The following WASF1 variants were observed in gnomAD, a reference collection of about 807,000 sequenced individuals.
WASF1 encodes the protein actin-binding protein WASF1.
In WASF1, 7 loss-of-function variants were observed where a neutral mutation model predicts 50.5. That is an observed-to-expected ratio of 0.14 (90% CI 0.08 to 0.26). WASF1 has a LOEUF of 0.26. Ranked by LOEUF, WASF1 falls within the 10% of genes least tolerant of loss-of-function variation. The probability of loss-of-function intolerance (pLI) is 1.00; values close to 1 mark genes in which losing one functional copy is unlikely to be tolerated. For synonymous variants in WASF1, 205 were observed against 244.0 expected (o/e 0.84, Z 1.49); for missense variants, 470 against 694.7 (o/e 0.68, Z 3.64).
At chr6:110,152,976 T>C (rs991339992) in intron 3 of WASF1, among the ~76,000 whole-genome samples, 1 of 152,186 alleles carries the variant, frequency 6.6e-6, no homozygotes, top group African/African-American at 2.4e-5. Flanking sequence ...TCTATATAAA[T>C]GGATTCACAG....
At chr6:110,103,699 T>C in intron 8 of WASF1, 142 bp from the exon 9 acceptor site, 2 of 752,628 alleles carry the variant, frequency 2.7e-6, no homozygotes, top group Non-Finnish European at 4.0e-6. Context: ...AAATGTATTA[T>C]ATTAATCCTG....
chr6:110,128,949 G>C (rs1774536885), intron 3 of WASF1, among the ~76,000 whole-genome samples: 1 of 152,124 alleles, frequency 6.6e-6, no homozygotes, highest in African/African-American at 2.4e-5. Flanking sequence ...GATGATCTGA[G>C]GTGGTACAGT....
intron 4 of WASF1, among the ~76,000 whole-genome samples, chr6:110,125,108 T>G (rs1328458989): frequency 6.6e-6 from 1 of 152,204 alleles, no homozygotes; most frequent in Non-Finnish European, 1.5e-5. Flanking sequence ...ATTCAGATTT[T>G]ATTATCTAAT....
chr6:110,108,799 A>G, intron 5 of WASF1, 118 bp from the exon 6 acceptor site: 1 of 864,566 alleles, frequency 1.2e-6, no homozygotes, highest in Non-Finnish European at 1.7e-6. Context: ...TTGTGACCTT[A>G]GTGGCTTATG....
At chr6:110,118,347 CAAAAAAAAAAAAA>C (rs56948481) in intron 4 of WASF1, among the ~76,000 whole-genome samples, 119 of 7,498 alleles carry the variant, frequency 0.016, no homozygotes, top group African/African-American at 0.037. Flanking sequence ...AAACGGAAAG[CAAAAAAAAAAAAA>C]AAAAAAAAAA....
chr6:110,119,282 T>C (rs373463184), intron 4 of WASF1, among the ~76,000 whole-genome samples: 3 of 151,750 alleles, frequency 2.0e-5, no homozygotes, highest in Non-Finnish European at 2.9e-5. Context: ...ACAAAATAGA[T>C]AGACCGCTAG....
intron 3 of WASF1, among the ~76,000 whole-genome samples, chr6:110,132,507 C>T (rs1774725924): frequency 6.6e-6 from 1 of 151,574 alleles, no homozygotes. Flanking sequence ...TTTATAGACA[C>T]CTTTTAATAG....
chr6:110,117,917 T>G (rs1387063690), intron 4 of WASF1, among the ~76,000 whole-genome samples: 1 of 152,052 alleles, frequency 6.6e-6, no homozygotes, highest in Non-Finnish European at 1.5e-5. Flanking sequence ...CAAACTAAGC[T>G]TCATAAGCCA....
chr6:110,143,020 CAATT>C (rs1167800471), intron 3 of WASF1, among the ~76,000 whole-genome samples: 1 of 145,632 alleles, frequency 6.9e-6, no homozygotes, highest in South Asian at 2.2e-4. Flanking sequence ...GTGTTCTTAT[CAATT>C]AAACTATCAA....
At chr6:110,122,883 T>C (rs983889611) in intron 4 of WASF1, among the ~76,000 whole-genome samples, 2 of 152,064 alleles carry the variant, frequency 1.3e-5, no homozygotes, top group Non-Finnish European at 2.9e-5. Flanking sequence ...CCCTTACCCC[T>C]ACACTGTTCA....
chr6:110,125,385 C>T (rs1774373111), intron 4 of WASF1, among the ~76,000 whole-genome samples: 1 of 152,150 alleles, frequency 6.6e-6, no homozygotes, highest in South Asian at 2.1e-4. Flanking sequence ...TGAACTACCT[C>T]CTTTTGGTTG....
intron 4 of WASF1, among the ~76,000 whole-genome samples, chr6:110,120,472 C>A (rs978808209): frequency 3.3e-5 from 5 of 152,186 alleles, no homozygotes; most frequent in African/African-American, 1.2e-4. Context: ...AGGAATCCAA[C>A]TTACAAGGGA....
At chr6:110,145,141 G>T (rs1311694196) in intron 3 of WASF1, among the ~76,000 whole-genome samples, 1 of 152,156 alleles carries the variant, frequency 6.6e-6, no homozygotes, top group African/African-American at 2.4e-5. Context: ...TCATTGAGCA[G>T]TGGTTTGTAG....
At chr6:110,146,688 C>G (rs192734783) in intron 3 of WASF1, among the ~76,000 whole-genome samples, 3 of 152,168 alleles carry the variant, frequency 2.0e-5, no homozygotes, top group African/African-American at 7.2e-5. Context: ...TTCCCTAAAT[C>G]TATAATGCAC....
intron 4 of WASF1, among the ~76,000 whole-genome samples, chr6:110,118,221 T>C (rs570556773): frequency 3.6e-4 from 54 of 151,288 alleles, no homozygotes; most frequent in African/African-American, 1.0e-3. Flanking sequence ...GACTGGCAAA[T>C]TGGATAAAGA....
chr6:110,169,755 A>G (rs1377527109), intron 2 of WASF1, among the ~76,000 whole-genome samples: 1 of 152,184 alleles, frequency 6.6e-6, no homozygotes, highest in Non-Finnish European at 1.5e-5. Context: ...TCTATACTTA[A>G]AACTTAGTTT....
chr6:110,116,713 C>A (rs1367285943), intron 4 of WASF1, among the ~76,000 whole-genome samples: 1 of 152,196 alleles, frequency 6.6e-6, no homozygotes, highest in East Asian at 1.9e-4. Flanking sequence ...AACGGACAGA[C>A]TGCCTCCTCA....
intron 7 of WASF1, among the ~76,000 whole-genome samples, chr6:110,106,650 T>C (rs3806158): frequency 0.026 from 3,959 of 152,330 alleles, 95 homozygotes; most frequent in East Asian, 0.12. Context: ...TAGGATGTGC[T>C]CTGTAGCAAC....
chr6:110,105,345 A>G, intron 8 of WASF1, 62 bp downstream of exon 8: 1 of 1,485,300 alleles, frequency 6.7e-7, no homozygotes, highest in Non-Finnish European at 9.0e-7. Context: ...ACTTAGAAGT[A>G]CAGATACTAC....
Sources: gnomAD v4.1 joint callset for allele counts (sites outside exome capture counted in the v4.1 genomes callset) on GRCh38, gnomAD v4.1.1 for gene constraint, MANE v1.5 for transcripts, NCBI Gene and HGNC (gene_info 2026-07-23, HGNC 2026-07-21) for gene names.